TBXAS1: variants seen among roughly 807,000 people sequenced by gnomAD.
TBXAS1 encodes thromboxane-A synthase.
Under a neutral mutation model 60.7 loss-of-function variants are expected in TBXAS1, and 48 were observed. The ratio of observed to expected loss-of-function variants is 0.79; its 90% CI spans 0.63 to 1.01. The LOEUF is 1.01. Among genes scored for constraint, TBXAS1 ranks in the 50% least tolerant of loss-of-function variants. The pLI, the probability that TBXAS1 is intolerant of heterozygous loss-of-function variation, is 0.00. For synonymous variants in TBXAS1, 287 were observed against 269.7 expected, an observed-to-expected ratio of 1.06 and a Z score of -0.63; for missense variants, 685 against 686.3, an observed-to-expected ratio of 1.00 and a Z score of 0.02.
intron 1 of TBXAS1, among the ~76,000 whole-genome samples, chr7:139,856,151 G>A (rs1052599870): frequency 2.0e-5 from 3 of 152,180 alleles, no homozygotes; most frequent in African/African-American, 4.8e-5. Flanking sequence ...ACAATTATCG[G>A]GGAGGCCCAG....
chr7:139,807,866 G>C (rs1797918580), intron 4 of TBXAS1, among the ~76,000 whole-genome samples: 1 of 152,076 alleles, frequency 6.6e-6, no homozygotes, highest in Admixed American at 6.5e-5. Context: ...ATGGCCTTCT[G>C]GGGAGGGGAA....
At chr7:139,906,354 C>G (rs553367469) in intron 3 of TBXAS1, among the ~76,000 whole-genome samples, 1 of 152,122 alleles carries the variant, frequency 6.6e-6, no homozygotes, top group African/African-American at 2.4e-5. Context: ...CTATGCCTGG[C>G]CTACTCTAGC....
intron 4 of TBXAS1, among the ~76,000 whole-genome samples, chr7:139,804,473 G>A (rs1020435745): frequency 1.3e-5 from 2 of 152,170 alleles, no homozygotes; most frequent in African/African-American, 2.4e-5. Flanking sequence ...GCTGGAATAA[G>A]TTAAGACTTT....
chr7:139,984,640 G>GAGAAACAAAGAAAGAAAGAA (rs1812235034), intron 9 of TBXAS1, among the ~76,000 whole-genome samples: 1 of 99,786 alleles, frequency 1.0e-5, no homozygotes, highest in Non-Finnish European at 2.1e-5. Flanking sequence ...GAGAGAGAGA[G>GAGAAACAAAGAAAGAAAGAA]AGAAAGAAAG....
intron 5 of TBXAS1, among the ~76,000 whole-genome samples, chr7:139,949,858 C>T (rs1809054809): frequency 6.6e-6 from 1 of 152,054 alleles, no homozygotes; most frequent in Non-Finnish European, 1.5e-5. Flanking sequence ...GCCCAAGATC[C>T]AAAAACAGTG....
intron 3 of TBXAS1, among the ~76,000 whole-genome samples, chr7:139,904,748 G>T (rs941106501): frequency 2.0e-5 from 3 of 152,034 alleles, no homozygotes; most frequent in African/African-American, 7.2e-5. Context: ...TTCTCTGCTT[G>T]GTCATTGTTG....
At chr7:139,857,964 C>T (rs778061449) in intron 1 of TBXAS1, among the ~76,000 whole-genome samples, 14 of 151,928 alleles carry the variant, frequency 9.2e-5, no homozygotes, top group African/African-American at 1.7e-4. Flanking sequence ...GAACTCTTGG[C>T]CTCAAGCAAT....
chr7:139,972,439 T>C (rs1486924027), intron 9 of TBXAS1, among the ~76,000 whole-genome samples: 1 of 152,202 alleles, frequency 6.6e-6, no homozygotes, highest in Non-Finnish European at 1.5e-5. Flanking sequence ...GAGCTACATT[T>C]GCAACTGAAT....
intron 12 of TBXAS1, among the ~76,000 whole-genome samples, chr7:140,018,420 C>G (rs1815273486): frequency 6.6e-6 from 1 of 152,212 alleles, no homozygotes; most frequent in South Asian, 2.1e-4. Flanking sequence ...TGGTCCCTCT[C>G]ACAGGTGGTG....
intron 9 of TBXAS1, among the ~76,000 whole-genome samples, chr7:139,993,000 G>A (rs769704849): frequency 1.4e-4 from 22 of 152,040 alleles, no homozygotes; most frequent in Admixed American, 1.2e-3. Context: ...GAAAAACCCC[G>A]TCTCTACTAA....
chr7:139,894,357 A>C lies in TBXAS1; in HGVS notation c.237-16868A>C, dbSNP rs139966092. Among the ~76,000 whole-genome samples the C allele has an allele frequency of 1.2e-3, 179 of 152,246 alleles. 1 individual carries two copies. The highest frequency in any genetic ancestry group is 4.0e-3 in the African/African-American group (166 of 41,552). ...TGGAGAATCACAGTGGGGTCTCTTC[A>C]TGCTTGTGGACTCTCCTGGTGGAGC... On this transcript the variant is annotated intron_variant, in intron 3 of 12. Transcript: ENST00000448866.
At chr7:139,972,771 T>C (rs1811298627) in intron 9 of TBXAS1, among the ~76,000 whole-genome samples, 1 of 152,058 alleles carries the variant, frequency 6.6e-6, no homozygotes, top group Non-Finnish European at 1.5e-5. Flanking sequence ...GGGAATATCA[T>C]CAAGTCCCAG....
intron 5 of TBXAS1, among the ~76,000 whole-genome samples, chr7:139,939,235 G>A (rs1188656170): frequency 6.6e-6 from 1 of 151,888 alleles, no homozygotes; most frequent in Non-Finnish European, 1.5e-5. Flanking sequence ...GTGGTGGCAG[G>A]CACCTGTAAC....
At chr7:139,833,922 G>C (rs1798890647) in intron 1 of TBXAS1, among the ~76,000 whole-genome samples, 1 of 151,946 alleles carries the variant, frequency 6.6e-6, no homozygotes, top group Non-Finnish European at 1.5e-5. Flanking sequence ...AGTCAGCAAA[G>C]AAACAATGGA....
In TBXAS1 at chr7:139,815,147, C is replaced by A. The variant is rs73478013; in HGVS notation, c.-79-14165C>A. ...GATGTAAGAGAATGTAAATTTAAAA[C>A]CAACATTAGGACTGTGAGTTTGAGA... is the stretch of plus-strand genomic sequence containing the variant. On this transcript the variant is annotated intron_variant, in intron 4 of 16. Coordinates refer to the TBXAS1 transcript ENST00000336425. Among the ~76,000 whole-genome samples the A allele has an allele frequency of 8.7e-3, 1,319 of 152,276 alleles. 16 individuals carry two copies. The highest frequency in any genetic ancestry group is 0.029 in the African/African-American group (1,206 of 41,554).
intron 2 of TBXAS1, among the ~76,000 whole-genome samples, chr7:139,875,009 C>A (rs992899337): frequency 2.0e-5 from 3 of 152,136 alleles, no homozygotes; most frequent in Non-Finnish European, 4.4e-5. Context: ...ACAGGAGAAT[C>A]GCTTGAATCC....
intron 1 of TBXAS1, among the ~76,000 whole-genome samples, chr7:139,841,102 T>A (rs1799411638): frequency 6.6e-6 from 1 of 152,188 alleles, no homozygotes; most frequent in South Asian, 2.1e-4. Flanking sequence ...AGTTCCTAGG[T>A]GTGAGCGTGG....
At chr7:139,906,990 C>T (rs552334971) in intron 3 of TBXAS1, among the ~76,000 whole-genome samples, 18 of 152,222 alleles carry the variant, frequency 1.2e-4, no homozygotes, top group Middle Eastern at 3.4e-3. Flanking sequence ...AAAATAGGGA[C>T]AATTTTATTT....
chr7:139,954,323 G>A (rs1314702601), intron 6 of TBXAS1, among the ~76,000 whole-genome samples: 1 of 152,132 alleles, frequency 6.6e-6, no homozygotes, highest in Non-Finnish European at 1.5e-5. Flanking sequence ...TGCATGAGTT[G>A]GCTAAAGATA....
Sources: allele counts gnomAD v4.1 joint callset (sites outside exome capture counted in the v4.1 genomes callset), GRCh38; gene constraint gnomAD v4.1.1; transcripts MANE v1.5; gene names NCBI Gene and HGNC (gene_info 2026-07-23, HGNC 2026-07-21).